The following MYH3 variants were observed in gnomAD, a reference collection of about 807,000 sequenced individuals.
MYH3 encodes myosin-3.
In MYH3, 130 loss-of-function variants were observed where a neutral mutation model predicts 238.0. That is an observed-to-expected ratio of 0.55 (90% CI 0.47 to 0.63). The LOEUF is 0.63. Ranked by LOEUF, MYH3 falls within the 30% of genes least tolerant of loss-of-function variation. The pLI is 0.00. For missense variants in MYH3, 1,853 were observed against 2,374.9 expected (o/e 0.78, Z 4.57); for synonymous variants, 880 against 924.1 (o/e 0.95, Z 0.86).
Position 10,647,285 on chromosome 17 carries a change from A to T in MYH3, c.800-5T>A, listed in dbSNP as rs755904046. The T allele has an allele frequency of 1.7e-5, 28 of 1,613,884 alleles. No homozygotes were observed. Among genetic ancestry groups the T allele is most frequent in the Non-Finnish European group, 2.3e-5 (27 of 1,179,854 alleles). On this transcript the variant is annotated splice_region_variant and splice_polypyrimidine_tract_variant and intron_variant, in intron 9 of 40. Transcript: ENST00000583535. ...CTCTTGATTTTTCCAGAAGATCTGG[A>T]ACACAAACACAGGACTCTCTTTCAA...
At chr17:10,660,470 T>G (rs535168241), upstream of MYH3, among the ~76,000 whole-genome samples, 2 of 143,312 alleles carry the variant, frequency 1.4e-5, no homozygotes, top group Non-Finnish European at 3.0e-5. Flanking sequence ...GGTCAGGAGA[T>G]CGATACCATC....
chr17:10,645,816 T>C lies in MYH3; in HGVS notation c.1032A>G (p.Pro344=), dbSNP rs1394758544. The C allele has an allele frequency of 1.9e-6, 3 of 1,613,804 alleles. No individual in the cohort carries two copies. Among genetic ancestry groups the C allele is most frequent in the South Asian group, 1.1e-5 (1 of 91,066 alleles). The part of the protein sequence containing the change: ...DSAIDILGFT[P]EEKSGLYKLT... ...GCTTGTAGAGCCCAGATTTCTCTTC[T>C]GGGGTGAAGCCCAGGATGTCAATGG... Residue 344 remains proline, a synonymous_variant, in exon 12 of 41, where the codon CCA becomes CCG. Coordinates refer to ENST00000583535, the MANE Select transcript of MYH3 (RefSeq NM_002470.4).
chr17:10,629,815 G>C (rs1179954639), intron 39 of MYH3, 27 bp downstream of exon 39: 1 of 1,613,888 alleles, frequency 6.2e-7, no homozygotes, highest in East Asian at 2.2e-5. Flanking sequence ...CGGTCTGCCT[G>C]CCGCAGTCAG....
Position 10,639,369 on chromosome 17 carries a change from G to C in MYH3, c.3031C>G (p.Leu1011Val), listed in dbSNP as rs2074247190. Residue 1011 changes from leucine (L) to valine (V), a missense_variant, in exon 24 of 41, where the codon CTC becomes GTC. Leu to Val is a conservative substitution (Grantham distance 32). This residue lies in a region of MYH3 where 1,044 missense variants were observed against 1,192.6 expected (regional missense o/e 0.88). Coordinates refer to ENST00000583535, the MANE Select transcript of MYH3 (RefSeq NM_002470.4). ...QEAHQQALDD[L>V]QAEEDKVNSL... ...TTGACTTTGTCTTCTTCAGCTTGGA[G>C]GTCATCCAAGGCCTGCTGGTGCGCC... The C allele has an allele frequency of 2.5e-6, 4 of 1,614,030 alleles. No homozygotes were observed. The highest frequency in any genetic ancestry group is 1.7e-6 in the Non-Finnish European group (2 of 1,180,028).
At chr17:10,637,500 C>T (rs2074226459) in intron 28 of MYH3, among the ~76,000 whole-genome samples, 1 of 152,178 alleles carries the variant, frequency 6.6e-6, no homozygotes, top group African/African-American at 2.4e-5. Context: ...AGTCTCATTT[C>T]TGCCCATCAG....
chr17:10,652,858 T>C lies in MYH3; in HGVS notation c.205-295A>G, dbSNP rs190790057. Among the ~76,000 whole-genome samples, 3 of 152,004 alleles carry C rather than the reference T, an allele frequency of 2.0e-5. No individual in the cohort carries two copies. The East Asian group carries it at 5.8e-4, about 30-fold the overall frequency. On this transcript the variant is annotated intron_variant, in intron 3 of 40. Coordinates refer to ENST00000583535, the MANE Select transcript of MYH3 (RefSeq NM_002470.4). ...GGATGGTCTCGATCTCCTGACCTCG[T>C]GATCCACCCGCCTCAGCCTCCCAAA...
intron 14 of MYH3, among the ~76,000 whole-genome samples, 195 bp downstream of exon 14, chr17:10,644,156 C>CAA (rs773273552): frequency 1.9e-4 from 17 of 88,630 alleles, no homozygotes; most frequent in African/African-American, 3.6e-4. Flanking sequence ...AACTCAGTCT[C>CAA]AAAAAAAAAA....
chr17:10,642,606 G>A lies in MYH3; in HGVS notation c.1699C>T (p.Pro567Ser). The change falls in exon 16 of 41, where the codon CCC (proline) becomes TCC (serine). Residue 567 changes from proline to serine, a missense_variant. By Grantham distance (74) the Pro-to-Ser change is moderately conservative. Around this residue, in one of 3 missense-constraint regions of MYH3, gnomAD observed 678 missense variants for 1,058.9 expected, o/e 0.64. Coordinates refer to ENST00000583535, the MANE Select transcript of MYH3 (RefSeq NM_002470.4). This position sits in a 1 kb window ranked among gnomAD's most constrained non-coding sequence, Gnocchi z 5.4. ...HLGKSNNFQK[P>S]KVVKGRAEAH... is the part of the protein sequence containing the mutation. ...TCGGCCCTGCCTTTGACCACCTTGG[G>A]CTTCTGGAAGTTGTTGGACTTTCCA... 1.9e-6 allele frequency: 3 copies of A among 1,614,182 alleles called. No homozygotes were observed. Among genetic ancestry groups the A allele is most frequent in the East Asian group, 2.2e-5 (1 of 44,870 alleles).
chr17:10,641,610 G>T (rs1383467773), intron 17 of MYH3, among the ~76,000 whole-genome samples: 1 of 150,326 alleles, frequency 6.7e-6, no homozygotes, highest in Non-Finnish European at 1.5e-5. Flanking sequence ...CTCCTCCTAG[G>T]TTCAAGCAAT....
At chr17:10,634,745 G>A (rs1386152701) in intron 31 of MYH3, 95 bp downstream of exon 31, 1 of 1,484,114 alleles carries the variant, frequency 6.7e-7, no homozygotes, top group South Asian at 1.1e-5. Context: ...TGCTGGTGAG[G>A]GCAGAGTCAG....
chr17:10,634,374 T>C (rs1017870838), intron 31 of MYH3, among the ~76,000 whole-genome samples, 192 bp from the exon 32 acceptor site: 15 of 152,228 alleles, frequency 9.9e-5, no homozygotes, highest in East Asian at 7.7e-4. Flanking sequence ...TCAGGAACAA[T>C]TGCCATCTTG....
chr17:10,642,907 C>T lies in MYH3; in HGVS notation c.1500G>A (p.Glu500=), dbSNP rs780685607. ...FNHHMFVLEQ[E]EYKKEGIEWT... Reference sequence around the variant, plus strand: ...ACTCGATGCCTTCCTTCTTGTACTCCTCCTGCTCCAGCACGAACATGTGGT... The same window carrying T: ...ACTCGATGCCTTCCTTCTTGTACTCTTCCTGCTCCAGCACGAACATGTGGT... Residue 500 remains glutamate, a synonymous_variant, in exon 15 of 41, where the codon GAG becomes GAA. Coordinates refer to ENST00000583535, the MANE Select transcript of MYH3 (RefSeq NM_002470.4). The surrounding 1 kb of genome is among the most constrained non-coding windows in gnomAD (Gnocchi z 5.4). 5.0e-6 allele frequency: 8 copies of T among 1,614,086 alleles called. No homozygotes were observed. The highest frequency in any genetic ancestry group is 5.9e-6 in the Non-Finnish European group (7 of 1,180,048).
the MYH3 span, among the ~76,000 whole-genome samples, chr17:10,663,533 AGGAAATGAAG>A: frequency 4.6e-5 from 7 of 152,062 alleles, no homozygotes; most frequent in African/African-American, 1.7e-4. Context: ...ACAGGGGCCC[AGGAAATGAAG>A]GCTTCTGGAA....
At chr17:10,665,243 A>T in the MYH3 span, among the ~76,000 whole-genome samples, 2 of 152,044 alleles carry the variant, frequency 1.3e-5, no homozygotes. Flanking sequence ...CCTGGGTTCA[A>T]GCGATTCTCC....
rs774944595 is a variant in MYH3 at position 10,642,530 on chromosome 17, G to A, written c.1775C>T (p.Ser592Leu). The A allele has an allele frequency of 1.1e-5, 17 of 1,614,214 alleles. No individual in the cohort carries two copies. Among genetic ancestry groups the A allele is most frequent in the African/African-American group, 1.3e-5 (1 of 75,062 alleles). Reference sequence around the variant, plus strand: ...GTCCTTGTTCTTCTCCAGCCAACCTGAGACACTGTAGTCCACGGTGCCCGC... The same window carrying A: ...GTCCTTGTTCTTCTCCAGCCAACCTAAGACACTGTAGTCCACGGTGCCCGC... ...HYAGTVDYSV[S>L]GWLEKNKDPL... The change falls in exon 16 of 41, where the codon TCA becomes TTA. Residue 592 changes from serine (S) to leucine (L), a missense_variant. Ser to Leu is a moderately radical substitution (Grantham distance 145). This residue lies in a region of MYH3 where 678 missense variants were observed against 1,058.9 expected (regional missense o/e 0.64). Coordinates refer to ENST00000583535, the MANE Select transcript of MYH3 (RefSeq NM_002470.4). This position sits in a 1 kb window ranked among gnomAD's most constrained non-coding sequence, Gnocchi z 5.4.
chr17:10,644,733 AAGT>A (rs1212452444), intron 12 of MYH3, 31 bp from the exon 13 acceptor site: 2 of 1,519,368 alleles, frequency 1.3e-6, no homozygotes, highest in African/African-American at 2.7e-5. Context: ...GTGCTTAGAA[AAGT>A]AGAAGAGCTG....
At chr17:10,629,381 A>G (rs1373198819) in intron 40 of MYH3, among the ~76,000 whole-genome samples, 2 of 152,050 alleles carry the variant, frequency 1.3e-5, no homozygotes, top group Non-Finnish European at 2.9e-5. Flanking sequence ...ATGGCTGCAT[A>G]GTATTCCATG....
At chr17:10,677,477 T>C in the MYH3 span, 10 of 152,242 alleles carry the variant, frequency 6.6e-5, no homozygotes, top group African/African-American at 2.4e-4. Context: ...TGGGAGATTA[T>C]GGATGATTTG....
intron 5 of MYH3, among the ~76,000 whole-genome samples, chr17:10,651,116 C>G (rs1345739762): frequency 7.3e-6 from 1 of 136,964 alleles, no homozygotes; most frequent in African/African-American, 2.8e-5. Flanking sequence ...ACCCGGGAGG[C>G]AGAGGTTGTG....
Sources: gnomAD v4.1 joint callset for allele counts (sites outside exome capture counted in the v4.1 genomes callset) on GRCh38, gnomAD v4.1.1 for gene constraint, gnomAD v4.1.1 regional missense constraint, Gnocchi (gnomAD v3.1) non-coding constraint, MANE v1.5 for transcripts, NCBI Gene and HGNC (gene_info 2026-07-23, HGNC 2026-07-21) for gene names.